The following FGF12 variants were observed in gnomAD, a reference collection of about 807,000 sequenced individuals.
The protein encoded by FGF12 is fibroblast growth factor 12B.
A neutral mutation model predicts 23.6 loss-of-function variants in FGF12; 14 were observed. That is an observed-to-expected ratio of 0.59 (90% CI 0.39 to 0.93). The LOEUF (loss-of-function observed/expected upper bound fraction) is 0.93, where lower values mean the gene tolerates loss of function less well. FGF12 is among the 40% of genes least tolerant of loss of function. FGF12 has a pLI of 0.00. For missense variants in FGF12, 175 were observed against 217.8 expected, an observed-to-expected ratio of 0.80 and a Z score of 1.24; for synonymous variants, 62 against 77.3, an observed-to-expected ratio of 0.80 and a Z score of 1.04.
intron 4 of FGF12, among the ~76,000 whole-genome samples, chr3:192,292,861 C>T (rs1012111252): frequency 3.3e-5 from 5 of 152,140 alleles, no homozygotes; most frequent in Non-Finnish European, 7.3e-5. Flanking sequence ...ACTACAGCCT[C>T]GACCTCCTGA....
intron 2 of FGF12, among the ~76,000 whole-genome samples, chr3:192,580,762 T>G (rs1374077711): frequency 3.3e-5 from 5 of 152,040 alleles, no homozygotes; most frequent in African/African-American, 7.2e-5. Context: ...CATGCACCAC[T>G]GTGCCCAGAT....
chr3:192,444,687 G>A (rs915430080), intron 2 of FGF12, among the ~76,000 whole-genome samples: 1 of 152,212 alleles, frequency 6.6e-6, no homozygotes, highest in Non-Finnish European at 1.5e-5. Context: ...CAGGAGTGGT[G>A]GGCGAGCGCC....
At chr3:192,668,085 A>G (rs988349801) in intron 2 of FGF12, among the ~76,000 whole-genome samples, 14 of 152,176 alleles carry the variant, frequency 9.2e-5, no homozygotes, top group African/African-American at 3.4e-4. Flanking sequence ...AATTGGTTTA[A>G]TAAATGTTAG....
intron 2 of FGF12, among the ~76,000 whole-genome samples, chr3:192,551,899 A>T (rs764291965): frequency 6.6e-6 from 1 of 152,188 alleles, no homozygotes; most frequent in Non-Finnish European, 1.5e-5. Context: ...AAATCCCAAC[A>T]TGATAGAGAT....
intron 2 of FGF12, among the ~76,000 whole-genome samples, chr3:192,628,513 G>A (rs3952726): frequency 1.4e-3 from 56 of 40,570 alleles, no homozygotes; most frequent in Admixed American, 2.6e-3. Flanking sequence ...ATATATTAGT[G>A]TGTGTGTGTA....
chr3:192,487,159 C>T (rs1162898978), intron 2 of FGF12, among the ~76,000 whole-genome samples: 1 of 152,036 alleles, frequency 6.6e-6, no homozygotes, highest in African/African-American at 2.4e-5. Flanking sequence ...TCCCCTACTG[C>T]CTAAGAACTA....
intron 4 of FGF12, 77 bp downstream of exon 4, chr3:192,335,284 T>C: frequency 3.2e-6 from 3 of 942,290 alleles, no homozygotes; most frequent in Non-Finnish European, 5.0e-6. Flanking sequence ...TTTTCTTGCC[T>C]AACATGATGG....
chr3:192,457,132 C>T (rs1238677546), intron 2 of FGF12, among the ~76,000 whole-genome samples: 1 of 152,212 alleles, frequency 6.6e-6, no homozygotes, highest in East Asian at 1.9e-4. Flanking sequence ...CACCATGATT[C>T]TGAGGCCTCC....
At chr3:192,179,744 T>C (rs920541018) in intron 4 of FGF12, among the ~76,000 whole-genome samples, 1 of 151,880 alleles carries the variant, frequency 6.6e-6, no homozygotes, top group African/African-American at 2.4e-5. Context: ...CAGGGTTTCA[T>C]TATATTGTCC....
chr3:192,230,794 C>T (rs922566572), intron 4 of FGF12, among the ~76,000 whole-genome samples: 10 of 151,808 alleles, frequency 6.6e-5, no homozygotes, highest in African/African-American at 2.4e-4. Flanking sequence ...TTAGAGGACA[C>T]CTTGAAATGT....
At chr3:192,378,115 C>CCT (rs1560091889) in intron 2 of FGF12, among the ~76,000 whole-genome samples, 5,323 of 98,778 alleles carry the variant, frequency 0.054, 677 homozygotes, top group East Asian at 0.081. Flanking sequence ...CCTTCTTTCT[C>CCT]TCTTTGTTTT....
intron 5 of FGF12, among the ~76,000 whole-genome samples, chr3:192,146,301 C>T (rs1052420277): frequency 2.2e-5 from 3 of 138,624 alleles, no homozygotes; most frequent in Admixed American, 1.5e-4. Context: ...GACGGAGTCT[C>T]GCTCTATAGC....
intron 4 of FGF12, among the ~76,000 whole-genome samples, chr3:192,196,282 A>G (rs1174013884): frequency 1.3e-5 from 2 of 152,114 alleles, no homozygotes; most frequent in Non-Finnish European, 2.9e-5. Context: ...GAGTCCATCA[A>G]CTTTAAAAGA....
At chr3:192,431,877 T>C (rs1053020884) in intron 2 of FGF12, among the ~76,000 whole-genome samples, 12 of 152,186 alleles carry the variant, frequency 7.9e-5, no homozygotes, top group African/African-American at 2.9e-4. Flanking sequence ...GCACAGGGCA[T>C]CCTCTCTGAC....
intron 2 of FGF12, among the ~76,000 whole-genome samples, chr3:192,574,331 A>G (rs1167574961): frequency 6.6e-6 from 1 of 152,238 alleles, no homozygotes; most frequent in East Asian, 1.9e-4. Flanking sequence ...CTCAATTCTT[A>G]GCATGTCTTT....
At chr3:192,587,668 A>G (rs1054635457) in intron 2 of FGF12, among the ~76,000 whole-genome samples, 12 of 151,658 alleles carry the variant, frequency 7.9e-5, no homozygotes, top group African/African-American at 2.9e-4. Context: ...TAATTTTTTA[A>G]AAATTTGCCA....
chr3:192,515,834 CTT>C (rs10681949), intron 2 of FGF12, among the ~76,000 whole-genome samples: 2 of 147,660 alleles, frequency 1.4e-5, no homozygotes, highest in African/African-American at 2.5e-5. Context: ...CCCCTTGACT[CTT>C]TTTTTTTTTC....
chr3:192,400,022 T>C (rs993337353), intron 2 of FGF12, among the ~76,000 whole-genome samples: 8 of 152,180 alleles, frequency 5.3e-5, no homozygotes, highest in African/African-American at 1.9e-4. Context: ...AGTATTTGCA[T>C]AGCATGGTTG....
intron 5 of FGF12, among the ~76,000 whole-genome samples, chr3:192,147,612 C>T (rs2044934557): frequency 6.6e-6 from 1 of 152,094 alleles, no homozygotes; most frequent in Admixed American, 6.5e-5. Context: ...CTAAATTTTA[C>T]AATTATAACC....
Sources: allele counts gnomAD v4.1 joint callset (sites outside exome capture counted in the v4.1 genomes callset), GRCh38; gene constraint gnomAD v4.1.1; transcripts MANE v1.5; gene names NCBI Gene and HGNC (gene_info 2026-07-23, HGNC 2026-07-21).